The following UNC13C variants were observed in gnomAD, a reference collection of about 807,000 sequenced individuals.
The protein encoded by UNC13C is unc-13 homolog C.
UNC13C carries 174 observed loss-of-function variants against 245.4 expected under a neutral mutation model. That is an observed-to-expected ratio of 0.71 (90% confidence interval 0.63 to 0.80). The LOEUF is 0.80. Ranked by LOEUF, UNC13C falls within the 30% of genes least tolerant of loss-of-function variation. The probability of loss-of-function intolerance (pLI) is 0.00; values close to 1 mark genes in which losing one functional copy is unlikely to be tolerated. For missense variants in UNC13C, 2,829 were observed against 2,602.9 expected, an observed-to-expected ratio of 1.09 and a Z score of -1.89; for synonymous variants, 992 against 895.1, an observed-to-expected ratio of 1.11 and a Z score of -1.93.
In UNC13C at chr15:54,222,050, A is replaced by G. The variant is rs537113235; in HGVS notation, c.3072-12980A>G. ...GCATACAATGCATAATAATCACATCAGGGTAAATGGGATATCCATCAACTC... is the reference window on the plus strand; with the variant it reads ...GCATACAATGCATAATAATCACATCGGGGTAAATGGGATATCCATCAACTC... On this transcript the variant is annotated intron_variant, in intron 4 of 32. Transcript: ENST00000260323. 4.6e-5 allele frequency among the ~76,000 whole-genome samples: 7 copies of G among 152,228 alleles called. No homozygotes were observed. The East Asian group carries it at 1.3e-3, about 29-fold the overall frequency.
At chr15:53,877,055 G>A in the UNC13C span, among the ~76,000 whole-genome samples, 1 of 152,274 alleles carries the variant, frequency 6.6e-6, no homozygotes, top group South Asian at 2.1e-4. Flanking sequence ...ATCAACTTTA[G>A]TAGGTAAGTT....
intron 13 of UNC13C, among the ~76,000 whole-genome samples, chr15:54,303,321 G>A (rs946843915): frequency 6.6e-6 from 1 of 152,068 alleles, no homozygotes; most frequent in Non-Finnish European, 1.5e-5. Context: ...ACAGTCTAAG[G>A]GAAATGAATT....
chr15:53,913,750 C>T, the UNC13C span: 1 of 152,190 alleles, frequency 6.6e-6, no homozygotes, highest in African/African-American at 2.4e-5. Flanking sequence ...GGCCATGGGG[C>T]CTGAGGCACC....
chr15:54,270,711 G>T (rs1007451061), intron 10 of UNC13C, among the ~76,000 whole-genome samples: 11 of 152,094 alleles, frequency 7.2e-5, no homozygotes, highest in African/African-American at 2.7e-4. Flanking sequence ...AGAGAACTGA[G>T]ACTGGGAAAT....
chr15:54,467,930 A>G (rs972754093), intron 19 of UNC13C, among the ~76,000 whole-genome samples: 8 of 151,126 alleles, frequency 5.3e-5, no homozygotes, highest in Non-Finnish European at 8.9e-5. Flanking sequence ...GTAGATGTAG[A>G]TATCTATCTC....
At chr15:54,486,628 G>A (rs1048087552) in intron 19 of UNC13C, among the ~76,000 whole-genome samples, 4 of 152,100 alleles carry the variant, frequency 2.6e-5, no homozygotes, top group African/African-American at 9.7e-5. Flanking sequence ...TGCAAAGTAA[G>A]TGAAACTTAT....
At chr15:54,365,530 C>A (rs1444804035) in intron 17 of UNC13C, among the ~76,000 whole-genome samples, 2 of 152,050 alleles carry the variant, frequency 1.3e-5, no homozygotes, top group African/African-American at 4.8e-5. Context: ...CCAAAGTTTT[C>A]TTTTTATTTG....
At chr15:54,206,470 TATTA>T in intron 4 of UNC13C, among the ~76,000 whole-genome samples, 1 of 152,218 alleles carries the variant, frequency 6.6e-6, no homozygotes, top group South Asian at 2.1e-4. Context: ...ACAACCGGAA[TATTA>T]ATTGTTTTGT....
chr15:54,559,727 G>GA (rs1305267799), intron 29 of UNC13C, among the ~76,000 whole-genome samples: 3 of 151,862 alleles, frequency 2.0e-5, no homozygotes, highest in Non-Finnish European at 2.9e-5. Flanking sequence ...GATAAAGAGG[G>GA]AAAAAACAAT....
intron 19 of UNC13C, among the ~76,000 whole-genome samples, chr15:54,425,198 A>G (rs1475888968): frequency 1.3e-5 from 2 of 151,896 alleles, no homozygotes; most frequent in Non-Finnish European, 2.9e-5. Context: ...GAAACACATT[A>G]CAGTGAGTAA....
At chr15:53,936,575 T>G in the UNC13C span, among the ~76,000 whole-genome samples, 1 of 152,112 alleles carries the variant, frequency 6.6e-6, no homozygotes, top group East Asian at 1.9e-4. Flanking sequence ...CCTGACTGGG[T>G]GAAACCTCCC....
chr15:54,447,448 G>C (rs1306960136), intron 19 of UNC13C, among the ~76,000 whole-genome samples: 1 of 152,146 alleles, frequency 6.6e-6, no homozygotes, highest in Admixed American at 6.5e-5. Flanking sequence ...CTCAATTTCA[G>C]AGCCTGTTAT....
At chr15:54,051,348 C>T (rs2141053723) in intron 2 of UNC13C, among the ~76,000 whole-genome samples, 1 of 152,206 alleles carries the variant, frequency 6.6e-6, no homozygotes, top group Non-Finnish European at 1.5e-5. Flanking sequence ...AGTGTCTTGA[C>T]ACTCATTATT....
At position 54,015,059 on chromosome 15, in the gene UNC13C, ATTC is replaced by A; in HGVS notation, c.2161_2163del (p.Ser721del). On this transcript the variant is annotated inframe_deletion, in exon 2 of 33. Coordinates refer to ENST00000260323, the MANE Select transcript of UNC13C (RefSeq NM_001080534.3). The stretch of plus-strand genomic sequence containing the variant: ...AGCTACGACTTAACTCAAGATGACA[ATTC>A]TTCTCCATGCCCTGGCTTGGATAAT... 1 of 1,612,904 alleles carries A rather than the reference ATTC, an allele frequency of 6.2e-7. No individual in the cohort carries two copies. The highest frequency in any genetic ancestry group is 8.5e-7 in the Non-Finnish European group (1 of 1,179,484).
intron 2 of UNC13C, among the ~76,000 whole-genome samples, chr15:54,103,513 C>T (rs1022650058): frequency 6.6e-6 from 1 of 152,208 alleles, no homozygotes; most frequent in Admixed American, 6.5e-5. Flanking sequence ...AATAGTATTA[C>T]TTCACTTTTG....
intron 30 of UNC13C, among the ~76,000 whole-genome samples, chr15:54,571,309 G>A (rs1897743332): frequency 6.6e-6 from 1 of 152,194 alleles, no homozygotes; most frequent in Non-Finnish European, 1.5e-5. Context: ...GCAGGCAAGA[G>A]AGTGTGTGCA....
chr15:54,028,670 G>A (rs1170829521), intron 2 of UNC13C, among the ~76,000 whole-genome samples: 1 of 145,188 alleles, frequency 6.9e-6, no homozygotes, highest in East Asian at 2.1e-4. Context: ...GGCCTCCAGA[G>A]TCAGCCTACA....
intron 10 of UNC13C, among the ~76,000 whole-genome samples, chr15:54,281,895 A>G (rs1479611782): frequency 6.6e-6 from 1 of 152,216 alleles, no homozygotes; most frequent in East Asian, 1.9e-4. Context: ...CTGTGGTATA[A>G]TATACATATG....
chr15:54,591,384 G>A (rs1354071210), intron 30 of UNC13C, among the ~76,000 whole-genome samples: 10 of 152,202 alleles, frequency 6.6e-5, no homozygotes, highest in Middle Eastern at 3.4e-3. Context: ...TTCCTTGAAT[G>A]TCTGGTAGAA....
Sources: gnomAD v4.1 joint callset for allele counts (sites outside exome capture counted in the v4.1 genomes callset) on GRCh38, gnomAD v4.1.1 for gene constraint, MANE v1.5 for transcripts, NCBI Gene and HGNC (gene_info 2026-07-23, HGNC 2026-07-21) for gene names.